EGLN2: variants seen among roughly 807,000 people sequenced by gnomAD.
EGLN2 encodes the protein egl-9 family hypoxia inducible factor 2.
A neutral mutation model predicts 38.2 loss-of-function variants in EGLN2; 15 were observed. The observed-to-expected ratio is 0.39, with a 90% confidence interval of 0.26 to 0.60. The LOEUF is 0.60. Among genes scored for constraint, EGLN2 ranks in the 20% least tolerant of loss-of-function variants. The probability of loss-of-function intolerance (pLI) is 0.50; values close to 1 mark genes in which losing one functional copy is unlikely to be tolerated. For missense variants in EGLN2, 492 were observed against 570.4 expected, an observed-to-expected ratio of 0.86 and a Z score of 1.40; for synonymous variants, 284 against 237.4, an observed-to-expected ratio of 1.20 and a Z score of -1.81.
chr19:40,806,813 G>A (rs1320052016), intron 3 of EGLN2, 139 bp downstream of exon 3: 14 of 1,223,002 alleles, frequency 1.1e-5, no homozygotes, highest in East Asian at 5.1e-5. Context: ...CGGGCAGTGC[G>A]ATCTGCCGGC....
rs2145081272 is a variant in EGLN2, at chr19:40,801,134, T to C, written c.562T>C (p.Tyr188His). 2 of 1,612,896 alleles carry C rather than the reference T, an allele frequency of 1.2e-6. No homozygotes were observed. Among genetic ancestry groups the C allele is most frequent in the Non-Finnish European group, 1.7e-6 (2 of 1,179,924 alleles). The change falls in exon 2 of 6, where the codon TAC becomes CAC. Residue 188 changes from tyrosine (Y) to histidine (H), a missense_variant. By Grantham distance (83) the Tyr-to-His change is moderately conservative. Around this residue, in one of 2 missense-constraint regions of EGLN2, gnomAD observed 378 missense variants for 386.2 expected, o/e 0.98. Transcript: ENST00000303961. ...GGACTATATCGTGCCCTGCATGCGG[T>C]ACTACGGCATCTGCGTCAAGGACAG... ...ALDYIVPCMR[Y>H]YGICVKDSFL...
At chr19:40,802,967 C>T (rs1221481598) in intron 2 of EGLN2, among the ~76,000 whole-genome samples, 3 of 152,238 alleles carry the variant, frequency 2.0e-5, no homozygotes, top group Non-Finnish European at 2.9e-5. Context: ...TCCCCCGGGG[C>T]CAAGGCCTGT....
At chr19:40,807,025 T>C in intron 3 of EGLN2, 113 bp from the exon 4 acceptor site, 1 of 1,501,594 alleles carries the variant, frequency 6.7e-7, no homozygotes, top group Non-Finnish European at 9.0e-7. Context: ...GCCCGAGGGG[T>C]GGGAGGGAGT....
Position 40,799,835 on chromosome 19 carries a change from A to G in EGLN2, c.-234-504A>G, listed in dbSNP as rs11881124. ...CTCCCTCCCAGCTTCCCTCCGGTCT[A>G]TTTTTCTGTCTCTGGGCCCCTCGTT... On this transcript the variant is annotated intron_variant, in intron 1 of 5. Transcript: ENST00000303961. The G allele has an allele frequency of 0.3, 44,572 of 150,188 alleles. 7,559 individuals carry two copies. Among genetic ancestry groups the G allele is most frequent in the African/African-American group, 0.47 (19,244 of 40,722 alleles). The allele number at this position is 150,188 out of a possible 1,614,324, so 9.3% of individuals were successfully genotyped here. A position where few individuals can be genotyped will look rare whatever the true frequency, so the allele number is the denominator to read the frequency against.
In EGLN2 at chr19:40,807,490, C is replaced by T. The variant is rs758455498; in HGVS notation, c.1107C>T (p.Ala369=). 2 of 1,614,128 alleles carry T rather than the reference C, an allele frequency of 1.2e-6. No homozygotes were observed. Among genetic ancestry groups the T allele is most frequent in the South Asian group, 2.2e-5 (2 of 91,084 alleles). The change falls in exon 5 of 6, where the codon GCC becomes GCT. Residue 369 remains alanine, a synonymous_variant. Transcript: ENST00000303961. ...EVKPAYATRY[A]ITVWYFDAKE... ...CAACCACCCTGGTCTCCAGGTACGC[C>T]ATCACTGTCTGGTATTTTGATGCCA... is the stretch of plus-strand genomic sequence containing the variant.
Position 40,801,136 on chromosome 19 carries a change from C to G in EGLN2, c.564C>G (p.Tyr188Ter). The G allele has an allele frequency of 6.2e-7, 1 of 1,612,932 alleles. No individual in the cohort carries two copies. The highest frequency in any genetic ancestry group is 1.1e-5 in the South Asian group (1 of 91,088). The change falls in exon 2 of 6, where the codon TAC (tyrosine) becomes TAG (stop). Residue 188 changes from tyrosine to a stop codon, truncating the protein, a stop_gained. Coordinates refer to ENST00000303961, the MANE Select transcript of EGLN2 (RefSeq NM_080732.4). LOFTEE classifies it high-confidence loss of function. ...ACTATATCGTGCCCTGCATGCGGTA[C>G]TACGGCATCTGCGTCAAGGACAGCT... ...ALDYIVPCMR[Y>*]YGICVKDSFL...
chr19:40,800,275 G>T, intron 1 of EGLN2, 64 bp from the exon 2 acceptor site: 1 of 377,772 alleles, frequency 2.6e-6, no homozygotes, highest in Non-Finnish European at 4.9e-6. Context: ...ATACCATCCC[G>T]GCTTTCCCCT....
intron 2 of EGLN2, among the ~76,000 whole-genome samples, chr19:40,802,963 G>A (rs566647982): frequency 6.6e-6 from 1 of 152,232 alleles, no homozygotes; most frequent in Non-Finnish European, 1.5e-5. Context: ...GGGCTCCCCC[G>A]GGGCCAAGGC....
At chr19:40,803,289 G>T (rs1324624461) in intron 2 of EGLN2, 1 of 152,244 alleles carries the variant, frequency 6.6e-6, no homozygotes, top group East Asian at 1.9e-4. Context: ...TTGTGTTTTG[G>T]TGCCTCTGGT....
chr19:40,801,263 C>G lies in EGLN2; in HGVS notation c.691C>G (p.Pro231Ala), dbSNP rs199862330. ...GCAGCTAGTGAGCCAGAGGGCGATC[C>G]CGCCGCGCAGCATCCGTGGGGACCA... ...DGQLVSQRAI[P>A]PRSIRGDQIA... The change falls in exon 2 of 6, where the codon CCG becomes GCG. Residue 231 changes from proline to alanine, a missense_variant. Pro to Ala is a conservative substitution (Grantham distance 27). Around this residue, in one of 2 missense-constraint regions of EGLN2, gnomAD observed 378 missense variants for 386.2 expected, o/e 0.98. Coordinates refer to ENST00000303961, the MANE Select transcript of EGLN2 (RefSeq NM_080732.4). 6.2e-7 allele frequency: 1 copy of G among 1,612,998 alleles called. No homozygotes were observed. The highest frequency in any genetic ancestry group is 8.5e-7 in the Non-Finnish European group (1 of 1,179,992).
chr19:40,801,019 C>T lies in EGLN2; in HGVS notation c.447C>T (p.Gly149=), dbSNP rs767345570. The change falls in exon 2 of 6, where the codon GGC becomes GGT. Residue 149 remains glycine (G), a synonymous_variant. Transcript: ENST00000303961. ...QENQEAEREG[G]MSCSCSSGSG... is the part of the protein sequence containing the mutation. Reference sequence around the variant, plus strand: ...ACCAGGAGGCAGAGCGGGAGGGTGGCATGAGCTGCAGCTGCAGCAGTGGCA... The same window carrying T: ...ACCAGGAGGCAGAGCGGGAGGGTGGTATGAGCTGCAGCTGCAGCAGTGGCA... 1.9e-6 allele frequency: 3 copies of T among 1,613,154 alleles called. No homozygotes were observed. The highest frequency in any genetic ancestry group is 8.5e-7 in the Non-Finnish European group (1 of 1,179,826).
At chr19:40,807,344 G>A in intron 4 of EGLN2, 70 bp downstream of exon 4, 1 of 1,610,196 alleles carries the variant, frequency 6.2e-7, no homozygotes. Context: ...GAGCCTCAGA[G>A]TGACTAGGGA....
rs1157745802 is a variant in EGLN2 at position 40,800,782 on chromosome 19, T to C, written c.210T>C (p.Ser70=). ...GSGTPRATAT[S]TTASPLRDGF... is the part of the protein sequence containing the mutation. ...GGACCCCCAGAGCCACAGCCACCTC[T>C]ACCACTGCCAGCCCTCTTCGGGACG... Residue 70 remains serine (S), a synonymous_variant, in exon 2 of 6, where the codon TCT becomes TCC. Transcript: ENST00000303961. 2 of 1,613,352 alleles carry C rather than the reference T, an allele frequency of 1.2e-6. No individual in the cohort carries two copies. Among genetic ancestry groups the C allele is most frequent in the Non-Finnish European group, 1.7e-6 (2 of 1,179,724 alleles).
rs2083320586 is a variant in EGLN2, at chr19:40,808,267, C to T, written c.*403C>T. ...GGTGGGAGGAGTACCCCCAAGTCCT[C>T]TCACTCCTCCAGCCTGGAATGTGAA... On this transcript the variant is annotated 3_prime_UTR_variant, in exon 6 of 6. Transcript: ENST00000303961. The T allele has an allele frequency of 4.8e-6, 2 of 418,402 alleles. No homozygotes were observed. The highest frequency in any genetic ancestry group is 2.0e-5 in the African/African-American group (1 of 48,964). The allele number at this position is 418,402 out of a possible 1,614,324, so 25.9% of individuals were successfully genotyped here.
chr19:40,806,635 C>T lies in EGLN2; in HGVS notation c.924C>T (p.Ile308=). The change falls in exon 3 of 6, where the codon ATC becomes ATT. Residue 308 remains isoleucine, a synonymous_variant. Coordinates refer to ENST00000303961, the MANE Select transcript of EGLN2 (RefSeq NM_080732.4). The part of the protein sequence containing the change: ...VDNPHGDGRC[I]TCIYYLNQNW... ...ATCCCCACGGCGATGGGCGCTGCAT[C>T]ACCTGTATCTATTACCTGAATCAGA... 6.2e-7 allele frequency: 1 copy of T among 1,614,106 alleles called. No individual in the cohort carries two copies. The highest frequency in any genetic ancestry group is 8.5e-7 in the Non-Finnish European group (1 of 1,179,998).
rs1293328060 is a variant in EGLN2 at position 40,801,310 on chromosome 19, T to C, written c.738T>C (p.His246=). 9 of 1,612,882 alleles carry C rather than the reference T, an allele frequency of 5.6e-6. No homozygotes were observed. The highest frequency in any genetic ancestry group is 2.7e-5 in the African/African-American group (2 of 74,952). Residue 246 remains histidine, a synonymous_variant, in exon 2 of 6, where the codon CAT becomes CAC. Transcript: ENST00000303961. ...RGDQIAWVEG[H]EPGCRSIGAL... ...ACCAGATTGCCTGGGTGGAAGGCCA[T>C]GAACCAGGCTGTCGAAGCATTGGTG...
At position 40,800,739 on chromosome 19, in the gene EGLN2, A is replaced by G; in HGVS notation, c.167A>G (p.Glu56Gly). The G allele has an allele frequency of 1.2e-6, 2 of 1,613,768 alleles. No homozygotes were observed. Among genetic ancestry groups the G allele is most frequent in the Non-Finnish European group, 1.7e-6 (2 of 1,179,858 alleles). Residue 56 changes from glutamate to glycine, a missense_variant, in exon 2 of 6, where the codon GAG becomes GGG. Glu to Gly is a moderately conservative substitution (Grantham distance 98). Around this residue, in one of 2 missense-constraint regions of EGLN2, gnomAD observed 378 missense variants for 386.2 expected, o/e 0.98. Transcript: ENST00000303961. ...PSYHCPGVPS[E>G]ASAGSGTPRA... The stretch of plus-strand genomic sequence containing the variant: ...TACCACTGTCCAGGAGTGCCTAGTG[A>G]GGCCTCGGCAGGGAGTGGGACCCCC...
chr19:40,800,624 C>T lies in EGLN2; in HGVS notation c.52C>T (p.Pro18Ser), dbSNP rs1365153596. Reference sequence around the variant, plus strand: ...CCTAAGTCAGGCTCTCCCTCAGTTACCAGGGTCTTCGTCAGAGCCCTTGGA... The same window carrying T: ...CCTAAGTCAGGCTCTCCCTCAGTTATCAGGGTCTTCGTCAGAGCCCTTGGA... ...QPLSQALPQLPGSSSEPLEPE... is the reference protein window; with the variant it reads ...QPLSQALPQLSGSSSEPLEPE... The change falls in exon 2 of 6, where the codon CCA becomes TCA. Residue 18 changes from proline (P) to serine (S), a missense_variant. Around this residue, in one of 2 missense-constraint regions of EGLN2, gnomAD observed 378 missense variants for 386.2 expected, o/e 0.98. Coordinates refer to ENST00000303961, the MANE Select transcript of EGLN2 (RefSeq NM_080732.4). The T allele has an allele frequency of 6.2e-7, 1 of 1,613,564 alleles. No individual in the cohort carries two copies. The highest frequency in any genetic ancestry group is 8.5e-7 in the Non-Finnish European group (1 of 1,179,884).
rs1392304666 is a variant in EGLN2, at chr19:40,807,135, C to T, written c.964-3C>T. The T allele has an allele frequency of 1.2e-6, 2 of 1,614,062 alleles. No homozygotes were observed. The highest frequency in any genetic ancestry group is 1.7e-6 in the Non-Finnish European group (2 of 1,179,986). On this transcript the variant is annotated splice_polypyrimidine_tract_variant and splice_region_variant and intron_variant, in intron 3 of 5. Transcript: ENST00000303961. ...CTAGCCTCATCCTTTGGCCTGCCCC[C>T]AGGTGCATGGCGGCCTGCTGCAGAT...
Sources: allele counts gnomAD v4.1 joint callset (sites outside exome capture counted in the v4.1 genomes callset), GRCh38; gene constraint gnomAD v4.1.1; regional missense constraint gnomAD v4.1.1; transcripts MANE v1.5; gene names NCBI Gene and HGNC (gene_info 2026-07-23, HGNC 2026-07-21).